Variants in METTL22 observed in about 807,000 individuals in gnomAD.
The protein encoded by METTL22 is methyltransferase-like protein 22.
A neutral mutation model predicts 48.4 loss-of-function variants in METTL22; 51 were observed. The observed-to-expected ratio is 1.05, with a 90% confidence interval of 0.84 to 1.33. The LOEUF is 1.33. METTL22 is among the 40% of genes most tolerant of loss of function. The pLI is 0.00. For missense variants in METTL22, 678 were observed against 526.9 expected, an observed-to-expected ratio of 1.29 and a Z score of -2.81; for synonymous variants, 255 against 214.1, an observed-to-expected ratio of 1.19 and a Z score of -1.67.
intron 6 of METTL22, 87 bp downstream of exon 6, chr16:8,639,249 C>T: frequency 7.5e-7 from 1 of 1,325,850 alleles, no homozygotes; most frequent in Non-Finnish European, 1.1e-6. Context: ...CATTGGGAGG[C>T]AGGGCTCCGT....
intron 2 of METTL22, among the ~76,000 whole-genome samples, chr16:8,627,835 T>C (rs1268988521): frequency 6.6e-6 from 1 of 152,072 alleles, no homozygotes; most frequent in Non-Finnish European, 1.5e-5. Context: ...AGCCTCGACC[T>C]CCCCAGGCTC....
At chr16:8,663,500 G>A in the METTL22 span, among the ~76,000 whole-genome samples, 1 of 152,082 alleles carries the variant, frequency 6.6e-6, no homozygotes, top group East Asian at 1.9e-4. Flanking sequence ...ATGTTCCAGT[G>A]GGAGGGTCAC....
rs748503847 is a variant in METTL22, at chr16:8,644,560, C to G, written c.1014C>G (p.Leu338=). ...CTAILSVEKR[L]NFTLRHLDVT... ...CGTCCGACTGGCTGGTTTGCAGGCT[C>G]AACTTCACATTGAGACACTTGGACG... Residue 338 remains leucine, a synonymous_variant, in exon 10 of 11, where the codon CTC becomes CTG. Coordinates refer to ENST00000381920, the MANE Select transcript of METTL22 (RefSeq NM_024109.4). 6.5e-7 allele frequency: 1 copy of G among 1,544,090 alleles called. No individual in the cohort carries two copies. The highest frequency in any genetic ancestry group is 8.8e-7 in the Non-Finnish European group (1 of 1,141,516).
chr16:8,629,940 C>T (rs2056197772), intron 3 of METTL22, among the ~76,000 whole-genome samples: 1 of 152,156 alleles, frequency 6.6e-6, no homozygotes. Context: ...AGTGAAAGGC[C>T]TAGCGCCATG....
At chr16:8,657,638 A>G in the METTL22 span, among the ~76,000 whole-genome samples, 3 of 152,294 alleles carry the variant, frequency 2.0e-5, no homozygotes, top group East Asian at 5.8e-4. Context: ...AGTGGGTTGA[A>G]TGGTGGCCCT....
rs779668913 is a variant in METTL22, at chr16:8,625,755, C to A, written c.90C>A (p.Asn30Lys). 4.3e-6 allele frequency: 7 copies of A among 1,614,084 alleles called. No homozygotes were observed. The African/African-American group carries it at 6.7e-5, about 15-fold the overall frequency. Residue 30 changes from asparagine (N) to lysine (K), a missense_variant, in exon 2 of 11, where the codon AAC becomes AAA. By Grantham distance (94) the Asn-to-Lys change is moderately conservative (BLOSUM62 0). Transcript: ENST00000381920. The part of the protein sequence containing the change: ...VLSDVHLYTP[N>K]HRHLMVRLNS... ...CAGATGTCCACCTCTATACCCCGAA[C>A]CATAGACATCTCATGGTACGGCTGA...
chr16:8,622,566 A>G (rs2055889958), intron 1 of METTL22, among the ~76,000 whole-genome samples: 1 of 152,202 alleles, frequency 6.6e-6, no homozygotes, highest in Admixed American at 6.5e-5. Flanking sequence ...ATTTCCGGAA[A>G]GAGACTTTTC....
intron 1 of METTL22, among the ~76,000 whole-genome samples, chr16:8,622,036 G>GT (rs1439614328): frequency 1.3e-5 from 2 of 152,234 alleles, no homozygotes; most frequent in Admixed American, 1.3e-4. Context: ...ACCTGTGACT[G>GT]TTTTTTGAGA....
chr16:8,629,906 C>G (rs1167046869), intron 3 of METTL22, among the ~76,000 whole-genome samples: 1 of 152,092 alleles, frequency 6.6e-6, no homozygotes, highest in African/African-American at 2.4e-5. Flanking sequence ...CACAACCCCT[C>G]CTGAGGGGGT....
At chr16:8,665,501 G>A in the METTL22 span, among the ~76,000 whole-genome samples, 2 of 152,160 alleles carry the variant, frequency 1.3e-5, no homozygotes, top group African/African-American at 4.8e-5. Context: ...TACACTTCGT[G>A]TCTGAAAACT....
At chr16:8,644,275 A>G (rs1402453423) in intron 9 of METTL22, among the ~76,000 whole-genome samples, 1 of 152,064 alleles carries the variant, frequency 6.6e-6, no homozygotes. Context: ...GTTGATCTGC[A>G]GGACTGTCTT....
chr16:8,628,883 A>T lies in METTL22; in HGVS notation c.287A>T (p.Glu96Val). 1 of 1,613,776 alleles carries T rather than the reference A, an allele frequency of 6.2e-7. No individual in the cohort carries two copies. Among genetic ancestry groups the T allele is most frequent in the Non-Finnish European group, 8.5e-7 (1 of 1,179,948 alleles). The change falls in exon 3 of 11, where the codon GAG (glutamate) becomes GTG (valine). Residue 96 changes from glutamate to valine, a missense_variant. Glu to Val is a moderately radical substitution (Grantham distance 121). Transcript: ENST00000381920. Reference sequence around the variant, plus strand: ...CCTCCAGGAAGTGGCCATGGTAATGAGGGTTTCTCCCTCCAGGCCGGGACT... The same window carrying T: ...CCTCCAGGAAGTGGCCATGGTAATGTGGGTTTCTCCCTCCAGGCCGGGACT... The part of the protein sequence containing the change: ...GSPPGSGHGN[E>V]GFSLQAGTDT...
chr16:8,638,549 G>A (rs1006265700), intron 5 of METTL22, among the ~76,000 whole-genome samples: 8 of 152,120 alleles, frequency 5.3e-5, no homozygotes. Context: ...AAGAGAGTGG[G>A]CTCAGCCTGT....
At chr16:8,642,991 C>T (rs929348433) in intron 9 of METTL22, 1 of 201,652 alleles carries the variant, frequency 5.0e-6, no homozygotes, top group Non-Finnish European at 1.0e-5. Context: ...TCGGACAGCT[C>T]CTCACCCAAC....
At chr16:8,636,938 C>A (rs2056441993) in intron 5 of METTL22, among the ~76,000 whole-genome samples, 1 of 152,216 alleles carries the variant, frequency 6.6e-6, no homozygotes, top group East Asian at 1.9e-4. Flanking sequence ...TATGCCCTTC[C>A]TCTGGCTCCC....
At chr16:8,639,223 A>T (rs1259398610) in intron 6 of METTL22, 61 bp downstream of exon 6, 3 of 1,516,630 alleles carry the variant, frequency 2.0e-6, no homozygotes, top group Non-Finnish European at 2.7e-6. Flanking sequence ...GATAGGACAG[A>T]CACCCAAGAC....
At position 8,647,394 on chromosome 16, in the gene METTL22, A is replaced by T. The variant is rs2056823793; in HGVS notation, c.*1251A>T. On this transcript the variant is annotated 3_prime_UTR_variant, in exon 11 of 11. Coordinates refer to ENST00000381920, the MANE Select transcript of METTL22 (RefSeq NM_024109.4). ...TGCTGTATGGTCTGGCAAACAGTAG[A>T]TGCTCAACACATATTGTTGAATGAA... 6.6e-6 allele frequency: 1 copy of T among 152,392 alleles called. No homozygotes were observed. The highest frequency in any genetic ancestry group is 2.1e-4 in the South Asian group (1 of 4,834). The allele number at this position is 152,392 out of a possible 1,614,324, so 9.4% of individuals were successfully genotyped here. A position where few individuals can be genotyped will look rare whatever the true frequency, so the allele number is the denominator to read the frequency against.
chr16:8,660,882 A>T, the METTL22 span, among the ~76,000 whole-genome samples: 18 of 102,816 alleles, frequency 1.8e-4, 2 homozygotes, highest in East Asian at 3.6e-4. Context: ...GAGGAAGAGG[A>T]GGAGGAGGAG....
intron 6 of METTL22, among the ~76,000 whole-genome samples, chr16:8,640,882 G>GTGGCTGGGTGGT (rs1555474949): frequency 5.2e-5 from 1 of 19,348 alleles, no homozygotes; most frequent in Admixed American, 7.3e-4. Context: ...GGGCAGGTGG[G>GTGGCTGGGTGGT]TGGGTGGGTG....
Sources: allele counts gnomAD v4.1 joint callset (sites outside exome capture counted in the v4.1 genomes callset), GRCh38; gene constraint gnomAD v4.1.1; transcripts MANE v1.5; gene names NCBI Gene and HGNC (gene_info 2026-07-23, HGNC 2026-07-21).